Variants in RBFOX1 observed in about 807,000 individuals in gnomAD.
RBFOX1 encodes the protein RNA binding protein fox-1 homolog 1.
Under a neutral mutation model 57.7 loss-of-function variants are expected in RBFOX1, and 8 were observed. The ratio of observed to expected loss-of-function variants is 0.14; its 90% CI spans 0.08 to 0.25. The LOEUF is 0.25. RBFOX1 is among the 10% of genes least tolerant of loss of function. The pLI is 1.00. For synonymous variants in RBFOX1, 326 were observed against 222.4 expected, an observed-to-expected ratio of 1.47 and a Z score of -4.15; for missense variants, 611 against 548.5, an observed-to-expected ratio of 1.11 and a Z score of -1.14.
At chr16:5,601,225 C>G (rs982824185), downstream of RBFOX1, 15 of 152,286 alleles carry the variant, frequency 9.8e-5, no homozygotes, top group Non-Finnish European at 2.1e-4. Context: ...GCTCAGGGTC[C>G]CATGTGAGCT....
intron 2 of RBFOX1, among the ~76,000 whole-genome samples, chr16:6,585,720 G>T (rs534965033): frequency 1.3e-5 from 2 of 151,268 alleles, no homozygotes; most frequent in Admixed American, 1.3e-4. Context: ...GTTCACTGCA[G>T]TTCAAAGGGG....
At chr16:5,261,642 C>G (rs923932602) in intron 1 of RBFOX1, among the ~76,000 whole-genome samples, 1 of 151,632 alleles carries the variant, frequency 6.6e-6, no homozygotes, top group African/African-American at 2.4e-5. Context: ...CTCCGCCTCC[C>G]GGGTTCATGC....
intron 2 of RBFOX1, among the ~76,000 whole-genome samples, chr16:6,473,823 C>T (rs562490458): frequency 6.6e-6 from 1 of 152,158 alleles, no homozygotes; most frequent in South Asian, 2.1e-4. Context: ...AAGGGGTGTT[C>T]CTTGTGATCG....
intron 4 of RBFOX1, among the ~76,000 whole-genome samples, chr16:7,118,806 G>T (rs2066480175): frequency 6.6e-6 from 1 of 152,118 alleles, no homozygotes; most frequent in Admixed American, 6.6e-5. Context: ...GAAGCATTTA[G>T]CCTTGTGAAG....
chr16:5,959,379 T>A (rs1199973374), intron 4 of RBFOX1, among the ~76,000 whole-genome samples: 2 of 152,156 alleles, frequency 1.3e-5, no homozygotes, highest in African/African-American at 4.8e-5. Flanking sequence ...AAAGGTCAAC[T>A]GTTATTAAAA....
intron 4 of RBFOX1, among the ~76,000 whole-genome samples, chr16:7,449,079 A>G (rs2098831447): frequency 6.6e-6 from 1 of 151,606 alleles, no homozygotes; most frequent in Admixed American, 6.6e-5. Context: ...ACAGGCATGC[A>G]CCAGCATGCC....
chr16:6,088,890 A>G (rs924119233), intron 1 of RBFOX1, among the ~76,000 whole-genome samples: 17 of 151,976 alleles, frequency 1.1e-4, no homozygotes, highest in African/African-American at 3.9e-4. Context: ...AGGTCAGGAG[A>G]TCAATACCAT....
rs147909912 is a variant in RBFOX1 at position 6,184,918 on chromosome 16, A to G, written c.-126-132077A>G. Among the ~76,000 whole-genome samples the G allele has an allele frequency of 8.8e-3, 1,339 of 152,280 alleles. 19 individuals are homozygous for G. Among genetic ancestry groups the G allele is most frequent in the Non-Finnish European group, 1.0e-2 (677 of 68,010 alleles). The stretch of plus-strand genomic sequence containing the variant: ...TCAGAAAATTGAAGTGCTAGTTCCA[A>G]GATGGATTGCAAGAGAAGCAGCTGT... On this transcript the variant is annotated intron_variant, in intron 1 of 15. Coordinates refer to ENST00000550418, the MANE Select transcript of RBFOX1 (RefSeq NM_018723.4).
chr16:6,884,590 A>C (rs2063595008), intron 3 of RBFOX1, among the ~76,000 whole-genome samples: 1 of 152,240 alleles, frequency 6.6e-6, no homozygotes, highest in Middle Eastern at 3.4e-3. Context: ...CATTTTGAAG[A>C]GATTAAAAAA....
chr16:6,805,320 C>T (rs1194744080), intron 3 of RBFOX1, among the ~76,000 whole-genome samples: 1 of 152,112 alleles, frequency 6.6e-6, no homozygotes, highest in Non-Finnish European at 1.5e-5. Context: ...TTCTCACTTA[C>T]AAGTGGGAAT....
intron 4 of RBFOX1, among the ~76,000 whole-genome samples, chr16:7,355,917 G>C (rs141825538): frequency 6.6e-6 from 1 of 152,162 alleles, no homozygotes; most frequent in Non-Finnish European, 1.5e-5. Context: ...GCAATCTGCC[G>C]GAGGCAAAAT....
chr16:7,223,672 T>C (rs1007692834), intron 4 of RBFOX1, among the ~76,000 whole-genome samples: 2 of 147,800 alleles, frequency 1.4e-5, no homozygotes, highest in African/African-American at 5.0e-5. Flanking sequence ...ACTAAAGAAA[T>C]GTTGAATTAA....
intron 4 of RBFOX1, among the ~76,000 whole-genome samples, chr16:7,486,489 G>A (rs1343000943): frequency 6.6e-6 from 1 of 151,926 alleles, no homozygotes; most frequent in Non-Finnish European, 1.5e-5. Flanking sequence ...CTTACCTTGG[G>A]CCAGTCACTT....
At chr16:7,358,930 C>A (rs900624252) in intron 4 of RBFOX1, among the ~76,000 whole-genome samples, 1 of 152,144 alleles carries the variant, frequency 6.6e-6, no homozygotes, top group African/African-American at 2.4e-5. Flanking sequence ...CTTGGAATTT[C>A]GGATCCATAA....
chr16:7,669,263 C>T (rs2070549659), intron 13 of RBFOX1, among the ~76,000 whole-genome samples: 1 of 150,896 alleles, frequency 6.6e-6, no homozygotes, highest in African/African-American at 2.5e-5. Context: ...ACAAGCATTG[C>T]TTAACTGAAC....
intron 2 of RBFOX1, among the ~76,000 whole-genome samples, chr16:6,582,136 G>A (rs1304402905): frequency 6.6e-6 from 1 of 152,162 alleles, no homozygotes. Context: ...GCTGATTTAA[G>A]TCATATTAAA....
Position 5,353,370 on chromosome 16 carries a change from C to G in RBFOX1, c.219+113265C>G, listed in dbSNP as rs9923174. ...TCCAGCCTGGGCAACAGAGTAGTGT[C>G]TGAAAAAAAAAAAAAAAGACTTCTT... On this transcript the variant is annotated intron_variant, in intron 1 of 2. Coordinates refer to the RBFOX1 transcript ENST00000585867. Among the ~76,000 whole-genome samples, 4 of 118,368 alleles carry G rather than the reference C, an allele frequency of 3.4e-5. No individual in the cohort carries two copies. In the East Asian group the frequency reaches 1.4e-3, roughly 42 times the overall value. The allele number at this position is 118,368 out of a possible 152,430, so 77.7% of individuals were successfully genotyped here.
At chr16:6,345,112 C>T (rs1263811537) in intron 2 of RBFOX1, among the ~76,000 whole-genome samples, 1 of 152,150 alleles carries the variant, frequency 6.6e-6, no homozygotes, top group Non-Finnish European at 1.5e-5. Context: ...AAGCATTCTC[C>T]TGTTTGCCAC....
intron 1 of RBFOX1, among the ~76,000 whole-genome samples, chr16:6,161,409 T>C (rs2096878092): frequency 6.7e-6 from 1 of 148,666 alleles, no homozygotes; most frequent in Non-Finnish European, 1.5e-5. Flanking sequence ...AAAAAAAGGA[T>C]TGATTAGTTC....
Sources: allele counts gnomAD v4.1 joint callset (sites outside exome capture counted in the v4.1 genomes callset), GRCh38; gene constraint gnomAD v4.1.1; transcripts MANE v1.5; gene names NCBI Gene and HGNC (gene_info 2026-07-23, HGNC 2026-07-21).